Variants in TTR observed in about 807,000 individuals in gnomAD.
TTR encodes the protein transthyretin.
A neutral mutation model predicts 13.7 loss-of-function variants in TTR; 8 were observed. That is an observed-to-expected ratio of 0.58 (90% confidence interval 0.34 to 1.05). The LOEUF is 1.05. TTR is among the 50% of genes least tolerant of loss of function. TTR has a pLI of 0.02. For missense variants in TTR, 135 were observed against 185.5 expected (o/e 0.73, Z 1.58); for synonymous variants, 75 against 71.7 (o/e 1.05, Z -0.23).
In TTR at chr18:31,592,916, T is replaced by C. The variant is rs528500765; in HGVS notation, c.90T>C (p.Cys30=). 1.2e-6 allele frequency: 2 copies of C among 1,614,056 alleles called. No individual in the cohort carries two copies. The highest frequency in any genetic ancestry group is 2.7e-5 in the African/African-American group (2 of 75,026). The change falls in exon 2 of 4, where the codon TGT becomes TGC. Residue 30 remains cysteine, a synonymous_variant. Coordinates refer to ENST00000237014, the MANE Select transcript of TTR (RefSeq NM_000371.4). ...AGPTGTGESK[C]PLMVKVLDAV... is the part of the protein sequence containing the mutation. ...CCCAGGGCACCGGTGAATCCAAGTG[T>C]CCTCTGATGGTCAAAGTTCTAGATG...
rs1043106637 is a variant in TTR at position 31,595,510 on chromosome 18, C to T, written c.336+255C>T. 4.6e-5 allele frequency: 28 copies of T among 602,334 alleles called. 1 individual carries two copies. In the Admixed American group the frequency reaches 5.8e-4, roughly 13 times the overall value. 37.3% of individuals were successfully genotyped at this position (602,334 alleles called of 1,614,324 possible). On this transcript the variant is annotated intron_variant, in intron 3 of 3. Transcript: ENST00000237014. ...AACTACTCATAGTCTATTCATTCCACTTTATATGAATATTGATGTATCTGC... is the reference window on the plus strand; with the variant it reads ...AACTACTCATAGTCTATTCATTCCATTTTATATGAATATTGATGTATCTGC...
intron 3 of TTR, among the ~76,000 whole-genome samples, chr18:31,597,630 T>G (rs898663689): frequency 3.3e-5 from 5 of 152,202 alleles, no homozygotes; most frequent in Admixed American, 6.5e-5. Flanking sequence ...AATGTATTTA[T>G]GCAGAGTGTG....
intron 1 of TTR, 137 bp downstream of exon 1, chr18:31,592,108 T>A (rs1281390288): frequency 2.3e-6 from 2 of 853,684 alleles, no homozygotes; most frequent in East Asian, 5.3e-5. Context: ...ATATAATTAA[T>A]TCAAACTTCA....
In TTR at chr18:31,598,585, C is replaced by T. The variant is rs11541797; in HGVS notation, c.354C>T (p.Asn118=). ...HEHAEVVFTA[N]DSGPRRYTIA... ...TCTCATAGGTGGTATTCACAGCCAACGACTCCGGCCCCCGCCGCTACACCA... is the reference window on the plus strand; with the variant it reads ...TCTCATAGGTGGTATTCACAGCCAATGACTCCGGCCCCCGCCGCTACACCA... The change falls in exon 4 of 4, where the codon AAC becomes AAT. Residue 118 remains asparagine, a synonymous_variant. Transcript: ENST00000237014. 91 of 1,613,952 alleles carry T rather than the reference C, an allele frequency of 5.6e-5. No individual in the cohort carries two copies. Among genetic ancestry groups the T allele is most frequent in the African/African-American group, 3.5e-4 (26 of 74,908 alleles).
rs759512847 is a variant in TTR, at chr18:31,592,880, T to C, written c.70-16T>C. On this transcript the variant is annotated splice_polypyrimidine_tract_variant and intron_variant, in intron 1 of 3. Transcript: ENST00000237014. The stretch of plus-strand genomic sequence containing the variant: ...ATCAATTTTGTTAACTTCTCACGTG[T>C]CTTCTCTACACCCAGGGCACCGGTG... 1.4e-5 allele frequency: 23 copies of C among 1,613,510 alleles called. No homozygotes were observed. In the Admixed American group the frequency reaches 1.8e-4, roughly 13 times the overall value.
intron 2 of TTR, chr18:31,593,249 A>C (rs749814756): frequency 2.3e-5 from 12 of 517,660 alleles, no homozygotes; most frequent in Non-Finnish European, 3.7e-5. Flanking sequence ...AGTAGAGAAA[A>C]GAAGGAATCA....
chr18:31,595,407 T>A (rs2073512260), intron 3 of TTR, 152 bp downstream of exon 3: 4 of 1,077,226 alleles, frequency 3.7e-6, no homozygotes, highest in Non-Finnish European at 5.6e-6. Flanking sequence ...CAAGAAAAAA[T>A]TCACAACACT....
intron 1 of TTR, among the ~76,000 whole-genome samples, chr18:31,592,564 A>G (rs1217674528): frequency 1.3e-5 from 2 of 152,234 alleles, no homozygotes; most frequent in Non-Finnish European, 2.9e-5. Context: ...GGCCCTATGT[A>G]TGGTACATTA....
Position 31,592,934 on chromosome 18 carries a change from T to A in TTR, c.108T>A (p.Val36=). The A allele has an allele frequency of 6.2e-7, 1 of 1,614,080 alleles. No homozygotes were observed. ...CCAAGTGTCCTCTGATGGTCAAAGTTCTAGATGCTGTCCGAGGCAGTCCTG... is the reference window on the plus strand; with the variant it reads ...CCAAGTGTCCTCTGATGGTCAAAGTACTAGATGCTGTCCGAGGCAGTCCTG... ...GESKCPLMVK[V]LDAVRGSPAI... The change falls in exon 2 of 4, where the codon GTT becomes GTA. Residue 36 remains valine (V), a synonymous_variant. Coordinates refer to ENST00000237014, the MANE Select transcript of TTR (RefSeq NM_000371.4).
At chr18:31,592,805 T>G in intron 1 of TTR, 91 bp from the exon 2 acceptor site, 1 of 1,560,692 alleles carries the variant, frequency 6.4e-7, no homozygotes. Flanking sequence ...GTGTAATTCT[T>G]GTTTCGCTCC....
intron 3 of TTR, 134 bp downstream of exon 3, chr18:31,595,389 C>T: frequency 7.8e-7 from 1 of 1,274,970 alleles, no homozygotes; most frequent in Non-Finnish European, 1.1e-6. Context: ...GTTCCCTTTC[C>T]TATTATACAA....
chr18:31,592,209 C>G (rs1186240195), intron 1 of TTR, among the ~76,000 whole-genome samples: 1 of 152,164 alleles, frequency 6.6e-6, no homozygotes, highest in African/African-American at 2.4e-5. Flanking sequence ...TTTGTAATAT[C>G]TGGTACCTCT....
chr18:31,592,901 C>T lies in TTR; in HGVS notation c.75C>T (p.Thr25=), dbSNP rs750051388. ...CGTGTCTTCTCTACACCCAGGGCAC[C>T]GGTGAATCCAAGTGTCCTCTGATGG... The part of the protein sequence containing the change: ...VFVSEAGPTG[T]GESKCPLMVK... The change falls in exon 2 of 4, where the codon ACC becomes ACT. Residue 25 remains threonine, a synonymous_variant. Transcript: ENST00000237014. The T allele has an allele frequency of 8.7e-6, 14 of 1,613,716 alleles. No homozygotes were observed. The highest frequency in any genetic ancestry group is 8.0e-5 in the African/African-American group (6 of 74,912).
intron 3 of TTR, 70 bp downstream of exon 3, chr18:31,595,325 G>C (rs2073511905): frequency 6.3e-7 from 1 of 1,594,012 alleles, no homozygotes; most frequent in Middle Eastern, 1.7e-4. Context: ...GAAATGCACA[G>C]TTTTACTCAG....
rs559313460 is a variant in TTR at position 31,596,963 on chromosome 18, G to A, written c.337-1605G>A. On this transcript the variant is annotated intron_variant, in intron 3 of 3. Transcript: ENST00000237014. ...ACTGGTCAACTCTACCTTGGCCAGT[G>A]ACCCAGGTGGTCATAGTAGATTTAC... Among the ~76,000 whole-genome samples, 3 of 152,296 alleles carry A rather than the reference G, an allele frequency of 2.0e-5. No homozygotes were observed. The East Asian group carries it at 5.8e-4, about 29-fold the overall frequency.
Position 31,598,681 on chromosome 18 carries a change from T to C in TTR, c.*6T>C. On this transcript the variant is annotated 3_prime_UTR_variant, in exon 4 of 4. Coordinates refer to ENST00000237014, the MANE Select transcript of TTR (RefSeq NM_000371.4). ...TCACCAATCCCAAGGAATGAGGGAC[T>C]TCTCCTCCAGTGGACCTGAAGGACG... 1 of 1,611,860 alleles carries C rather than the reference T, an allele frequency of 6.2e-7. No individual in the cohort carries two copies.
intron 2 of TTR, chr18:31,593,484 T>G (rs966954192): frequency 5.5e-6 from 1 of 182,020 alleles, no homozygotes; most frequent in Non-Finnish European, 1.2e-5. Context: ...ATAATGTGTA[T>G]TAACCCATTA....
Position 31,593,012 on chromosome 18 carries a change from G to T in TTR, c.186G>T (p.Glu62Asp), listed in dbSNP as rs1340627860. 1 of 1,614,008 alleles carries T rather than the reference G, an allele frequency of 6.2e-7. No homozygotes were observed. Among genetic ancestry groups the T allele is most frequent in the Non-Finnish European group, 8.5e-7 (1 of 1,179,926 alleles). Reference sequence around the variant, plus strand: ...GAAAGGCTGCTGATGACACCTGGGAGCCATTTGCCTCTGGGTAAGTTGCCA... The same window carrying T: ...GAAAGGCTGCTGATGACACCTGGGATCCATTTGCCTCTGGGTAAGTTGCCA... Reference protein sequence around the residue: ...VFRKAADDTWEPFASGKTSES... With the variant: ...VFRKAADDTWDPFASGKTSES... Residue 62 changes from glutamate to aspartate, a missense_variant, in exon 2 of 4, where the codon GAG (glutamate) becomes GAT (aspartate). By Grantham distance (45) the Glu-to-Asp change is conservative (BLOSUM62 2). Coordinates refer to ENST00000237014, the MANE Select transcript of TTR (RefSeq NM_000371.4).
chr18:31,593,973 T>A (rs2073501755), intron 2 of TTR, among the ~76,000 whole-genome samples: 1 of 152,224 alleles, frequency 6.6e-6, no homozygotes, highest in African/African-American at 2.4e-5. Context: ...ATTGGGAAGA[T>A]CATTTTCTTA....
Sources: allele counts gnomAD v4.1 joint callset (sites outside exome capture counted in the v4.1 genomes callset), GRCh38; gene constraint gnomAD v4.1.1; transcripts MANE v1.5; gene names NCBI Gene and HGNC (gene_info 2026-07-23, HGNC 2026-07-21).